Variants in TOX observed in about 807,000 individuals in gnomAD.
TOX encodes thymocyte selection associated high mobility group box.
A neutral mutation model predicts 53.7 loss-of-function variants in TOX; 11 were observed. The ratio of observed to expected loss-of-function variants is 0.20; its 90% CI spans 0.13 to 0.34. The LOEUF is 0.34. TOX is among the 10% of genes least tolerant of loss of function. The pLI, the probability that TOX is intolerant of heterozygous loss-of-function variation, is 1.00. For synonymous variants in TOX, 225 were observed against 245.3 expected (o/e 0.92, Z 0.77); for missense variants, 570 against 664.6 (o/e 0.86, Z 1.56).
chr8:58,982,249 G>A lies in TOX; in HGVS notation c.103-22241C>T, dbSNP rs185254027. Among the ~76,000 whole-genome samples the A allele has an allele frequency of 1.1e-4, 17 of 152,186 alleles. No individual in the cohort carries two copies. The East Asian group carries it at 3.3e-3, about 29-fold the overall frequency. ...CCTTTTATTTCATCCTAGTCTTCAA[G>A]ACAGGCTCTCCTATGCCCCCACACC... On this transcript the variant is annotated intron_variant, in intron 1 of 8. Coordinates refer to ENST00000361421, the MANE Select transcript of TOX (RefSeq NM_014729.3).
intron 2 of TOX, among the ~76,000 whole-genome samples, chr8:58,951,037 C>T (rs1327050212): frequency 1.3e-5 from 2 of 152,176 alleles, no homozygotes; most frequent in African/African-American, 4.8e-5. Context: ...CCAGAGTATT[C>T]TCACACACGT....
chr8:58,808,059 G>A, intron 8 of TOX, 59 bp downstream of exon 8: 2 of 1,557,994 alleles, frequency 1.3e-6, no homozygotes, highest in South Asian at 1.2e-5. Flanking sequence ...GATCAACTAG[G>A]GACGATATGC....
chr8:58,883,166 CAG>C (rs1447850061), intron 3 of TOX, among the ~76,000 whole-genome samples: 1 of 152,194 alleles, frequency 6.6e-6, no homozygotes, highest in African/African-American at 2.4e-5. Context: ...TTTACAATGA[CAG>C]AGTTTAAGTT....
At chr8:58,939,617 A>C in intron 2 of TOX, 73 bp from the exon 3 acceptor site, 1 of 1,426,970 alleles carries the variant, frequency 7.0e-7, no homozygotes, top group Non-Finnish European at 9.5e-7. Context: ...CAAACACTTG[A>C]CCCTTTAGAT....
intron 5 of TOX, among the ~76,000 whole-genome samples, chr8:58,832,126 A>G (rs1355677111): frequency 6.8e-6 from 1 of 147,980 alleles, no homozygotes; most frequent in Non-Finnish European, 1.5e-5. Context: ...TATATAATAT[A>G]TGTAATATAT....
chr8:59,034,951 AG>A (rs887038313), intron 1 of TOX, among the ~76,000 whole-genome samples: 6 of 152,268 alleles, frequency 3.9e-5, no homozygotes, highest in Non-Finnish European at 8.8e-5. Flanking sequence ...TCTCAAGGTC[AG>A]GAAGTGGAAG....
intron 1 of TOX, among the ~76,000 whole-genome samples, chr8:58,962,890 G>T (rs898131166): frequency 6.6e-6 from 1 of 152,176 alleles, no homozygotes; most frequent in Non-Finnish European, 1.5e-5. Context: ...GCCATGGGCT[G>T]CCCAGGTATT....
rs529313901 is a variant in TOX, at chr8:58,869,053, C to T, written c.412-17248G>A. 5.9e-5 allele frequency among the ~76,000 whole-genome samples: 9 copies of T among 151,584 alleles called. No homozygotes were observed. In the South Asian group the frequency reaches 1.0e-3, roughly 18 times the overall value. ...ATAATCCTGGCCAACATGGTGAAAC[C>T]CCGTCTCTACTAAAATACAAAAAAT... On this transcript the variant is annotated intron_variant, in intron 3 of 8. Transcript: ENST00000361421.
At chr8:58,891,937 T>TA (rs1811567074) in intron 3 of TOX, among the ~76,000 whole-genome samples, 1 of 152,194 alleles carries the variant, frequency 6.6e-6, no homozygotes, top group African/African-American at 2.4e-5. Flanking sequence ...TTTGGTCAGC[T>TA]ACTCGCATCA....
At chr8:58,860,146 G>A (rs563110570) in intron 3 of TOX, among the ~76,000 whole-genome samples, 1 of 152,260 alleles carries the variant, frequency 6.6e-6, no homozygotes, top group South Asian at 2.1e-4. Context: ...GGGGCCGTGT[G>A]CTATTGTGGA....
chr8:58,965,852 C>A (rs1812885926), intron 1 of TOX, among the ~76,000 whole-genome samples: 1 of 127,688 alleles, frequency 7.8e-6, no homozygotes, highest in South Asian at 2.8e-4. Context: ...ACAAAATTTC[C>A]ATTTTTGTAT....
chr8:58,878,346 T>A (rs1811322166), intron 3 of TOX, among the ~76,000 whole-genome samples: 1 of 152,228 alleles, frequency 6.6e-6, no homozygotes, highest in East Asian at 1.9e-4. Flanking sequence ...CATACTTTTT[T>A]AAAATTCCAA....
rs1041249364 is a variant in TOX at position 59,117,688 on chromosome 8, T to C, written c.102+1198A>G. On this transcript the variant is annotated intron_variant, in intron 1 of 8. Transcript: ENST00000361421. This position sits in a 1 kb window ranked among gnomAD's most constrained non-coding sequence, Gnocchi z 4.6. ...TGGTGATGACTCGCCACCAGGCAAA[T>C]GTTGGGAGTCCCAACGATTTTTCCC... Among the ~76,000 whole-genome samples the C allele has an allele frequency of 1.2e-4, 19 of 152,206 alleles. No homozygotes were observed. The highest frequency in any genetic ancestry group is 4.6e-4 in the African/African-American group (19 of 41,448).
intron 1 of TOX, among the ~76,000 whole-genome samples, chr8:59,115,166 A>G (rs1309974973): frequency 1.3e-5 from 2 of 152,148 alleles, no homozygotes; most frequent in Non-Finnish European, 2.9e-5. Context: ...CATAAAGGCA[A>G]CCACTGAGAA....
intron 1 of TOX, among the ~76,000 whole-genome samples, chr8:58,963,069 C>T (rs1183546682): frequency 6.6e-6 from 1 of 152,276 alleles, no homozygotes; most frequent in South Asian, 2.1e-4. Context: ...AAATGAATTC[C>T]TCCTGACTCA....
chr8:58,921,107 A>T (rs1812067118), intron 3 of TOX, among the ~76,000 whole-genome samples: 1 of 152,192 alleles, frequency 6.6e-6, no homozygotes, highest in South Asian at 2.1e-4. Flanking sequence ...GGTACTGTTC[A>T]TCAGAGGGCT....
intron 3 of TOX, among the ~76,000 whole-genome samples, chr8:58,908,384 G>T (rs1811854973): frequency 6.6e-6 from 1 of 152,084 alleles, no homozygotes; most frequent in Non-Finnish European, 1.5e-5. Flanking sequence ...TGCACCTGAT[G>T]CCTTCTCACC....
At chr8:59,112,028 CT>C (rs548071053) in intron 1 of TOX, among the ~76,000 whole-genome samples, 125 of 152,168 alleles carry the variant, frequency 8.2e-4, no homozygotes, top group African/African-American at 2.8e-3. Context: ...CTGAAAATAG[CT>C]TTTAAAATTT....
At chr8:59,080,266 C>G (rs1330957148) in intron 1 of TOX, among the ~76,000 whole-genome samples, 2 of 152,170 alleles carry the variant, frequency 1.3e-5, no homozygotes, top group Non-Finnish European at 2.9e-5. Context: ...CAGGCGTGAG[C>G]CACTGCACCC....
Sources: gnomAD v4.1 joint callset for allele counts (sites outside exome capture counted in the v4.1 genomes callset) on GRCh38, gnomAD v4.1.1 for gene constraint, Gnocchi (gnomAD v3.1) non-coding constraint, MANE v1.5 for transcripts, NCBI Gene and HGNC (gene_info 2026-07-23, HGNC 2026-07-21) for gene names.